The following CTNNA3 variants were observed in gnomAD, a reference collection of about 807,000 sequenced individuals.
CTNNA3 encodes the protein catenin alpha-3.
Under a neutral mutation model 95.7 loss-of-function variants are expected in CTNNA3, and 76 were observed. That is an observed-to-expected ratio of 0.79 (90% CI 0.66 to 0.96). The LOEUF is 0.96. Ranked by LOEUF, CTNNA3 falls within the 40% of genes least tolerant of loss-of-function variation. CTNNA3 has a pLI of 0.00. For missense variants in CTNNA3, 1,191 were observed against 1,089.8 expected, an observed-to-expected ratio of 1.09 and a Z score of -1.31; for synonymous variants, 431 against 374.4, an observed-to-expected ratio of 1.15 and a Z score of -1.74.
At chr10:67,698,848 CAA>C (rs60228246), upstream of CTNNA3, among the ~76,000 whole-genome samples, 8 of 143,694 alleles carry the variant, frequency 5.6e-5, no homozygotes, top group Non-Finnish European at 1.2e-4. Context: ...ACTATTAATA[CAA>C]AAAAAAAAAA....
chr10:67,683,120 G>C (rs971871594), intron 1 of CTNNA3, among the ~76,000 whole-genome samples: 1 of 152,206 alleles, frequency 6.6e-6, no homozygotes, highest in Non-Finnish European at 1.5e-5. Flanking sequence ...TGATTCTTAA[G>C]ATTCCTTTGT....
intron 5 of CTNNA3, among the ~76,000 whole-genome samples, chr10:67,506,836 T>A (rs955805668): frequency 1.3e-5 from 2 of 152,218 alleles, no homozygotes; most frequent in African/African-American, 4.8e-5. Flanking sequence ...ATAGTAAATA[T>A]GTGACTAAGC....
At chr10:67,311,998 C>A in intron 5 of CTNNA3, among the ~76,000 whole-genome samples, 1 of 151,886 alleles carries the variant, frequency 6.6e-6, no homozygotes, top group East Asian at 1.9e-4. Context: ...CACCTCACTA[C>A]AATCACACCA....
chr10:65,950,157 AAC>A lies in CTNNA3; in HGVS notation c.2400+16453_2400+16454del, dbSNP rs377580361. ...TGGAATTTCATTGATTTTGCTAGGG[AAC>A]ACACACACACACACACACAAACAAC... is the stretch of plus-strand genomic sequence containing the variant. On this transcript the variant is annotated intron_variant, in intron 17 of 17. Coordinates refer to ENST00000433211, the MANE Select transcript of CTNNA3 (RefSeq NM_013266.4). 5.8e-3 allele frequency among the ~76,000 whole-genome samples: 866 copies of A among 149,600 alleles called. 8 individuals are homozygous for A. The highest frequency in any genetic ancestry group is 0.027 in the East Asian group (138 of 5,112).
At chr10:67,534,146 G>A (rs540394483) in intron 4 of CTNNA3, among the ~76,000 whole-genome samples, 3 of 152,106 alleles carry the variant, frequency 2.0e-5, no homozygotes, top group East Asian at 1.9e-4. Flanking sequence ...CAAAATAAGG[G>A]CAAGAAATAA....
At chr10:67,203,990 T>C (rs762642048) in intron 6 of CTNNA3, among the ~76,000 whole-genome samples, 8 of 152,164 alleles carry the variant, frequency 5.3e-5, no homozygotes, top group African/African-American at 1.9e-4. Context: ...TGCTGGAATA[T>C]GGCTGGTAAT....
intron 5 of CTNNA3, among the ~76,000 whole-genome samples, chr10:67,341,529 T>C (rs1842190286): frequency 6.6e-6 from 1 of 152,256 alleles, no homozygotes; most frequent in Admixed American, 6.5e-5. Flanking sequence ...CAGGATCTTA[T>C]TCTTTTTTAT....
At chr10:65,967,803 C>A (rs909296248) in intron 16 of CTNNA3, among the ~76,000 whole-genome samples, 10 of 151,994 alleles carry the variant, frequency 6.6e-5, no homozygotes, top group African/African-American at 2.4e-4. Context: ...TATAAAAATT[C>A]CTTCTAATTT....
chr10:66,502,494 T>C (rs541821328), intron 11 of CTNNA3, among the ~76,000 whole-genome samples: 1 of 152,266 alleles, frequency 6.6e-6, no homozygotes, highest in South Asian at 2.1e-4. Flanking sequence ...TAAAGCATTG[T>C]AGATAACACT....
chr10:67,196,453 T>C (rs1863374343), intron 6 of CTNNA3, among the ~76,000 whole-genome samples: 2 of 152,178 alleles, frequency 1.3e-5, no homozygotes, highest in East Asian at 3.9e-4. Flanking sequence ...ATACTCAATA[T>C]ACTTATCAAT....
chr10:67,439,022 G>C (rs564976077), intron 5 of CTNNA3, among the ~76,000 whole-genome samples: 1 of 152,134 alleles, frequency 6.6e-6, no homozygotes, highest in Non-Finnish European at 1.5e-5. Flanking sequence ...GCTGAGCTTA[G>C]AGCCAGTGGA....
intron 10 of CTNNA3, among the ~76,000 whole-genome samples, chr10:66,556,006 C>A (rs1203081884): frequency 6.6e-6 from 1 of 151,886 alleles, no homozygotes; most frequent in Non-Finnish European, 1.5e-5. Context: ...AAGGAATTCA[C>A]GTAACTCACA....
At chr10:67,416,125 A>G (rs905924102) in intron 5 of CTNNA3, among the ~76,000 whole-genome samples, 6 of 152,180 alleles carry the variant, frequency 3.9e-5, no homozygotes, top group African/African-American at 1.4e-4. Flanking sequence ...TGCAACTGCA[A>G]TAAAAACAAA....
intron 13 of CTNNA3, among the ~76,000 whole-genome samples, chr10:66,231,209 C>T (rs761451835): frequency 6.6e-6 from 1 of 152,178 alleles, no homozygotes; most frequent in Non-Finnish European, 1.5e-5. Context: ...ATGTGGACTA[C>T]TGAGGATCTC....
intron 5 of CTNNA3, among the ~76,000 whole-genome samples, chr10:67,418,357 G>A (rs1270425189): frequency 6.6e-6 from 1 of 151,902 alleles, no homozygotes; most frequent in Admixed American, 6.6e-5. Flanking sequence ...CCATTTCTGG[G>A]TACATATAAC....
rs780427831 is a variant in CTNNA3 at position 67,209,740 on chromosome 10, T to C, written c.843+9867A>G. On this transcript the variant is annotated intron_variant, in intron 6 of 17. Coordinates refer to ENST00000433211, the MANE Select transcript of CTNNA3 (RefSeq NM_013266.4). ...CAATTTTAAAACACCAAAAACCAAT[T>C]TTAACATTTTTAAAACACACTTCTA... is the stretch of plus-strand genomic sequence containing the variant. 2.2e-4 allele frequency among the ~76,000 whole-genome samples: 33 copies of C among 151,668 alleles called. 1 individual carries two copies. Among genetic ancestry groups the C allele is most frequent in the Non-Finnish European group, 1.5e-5 (1 of 67,962 alleles).
intron 12 of CTNNA3, among the ~76,000 whole-genome samples, chr10:66,324,247 G>T (rs866430402): frequency 6.6e-6 from 1 of 151,970 alleles, no homozygotes; most frequent in Non-Finnish European, 1.5e-5. Flanking sequence ...TTGAACCCAG[G>T]AGGCGGAGAT....
intron 12 of CTNNA3, among the ~76,000 whole-genome samples, chr10:66,354,855 T>A (rs2092596778): frequency 6.6e-6 from 1 of 152,074 alleles, no homozygotes; most frequent in African/African-American, 2.4e-5. Flanking sequence ...CATAATAATA[T>A]TTGTTGAATG....
rs1372692048 is a variant in CTNNA3 at position 65,920,076 on chromosome 10, G to A, written c.*254C>T. ...GTAGATAATCTCTATGATGGGAAAC[G>A]CTGAATGACACGTGATAATTTCATT... On this transcript the variant is annotated 3_prime_UTR_variant, in exon 18 of 18. Coordinates refer to ENST00000433211, the MANE Select transcript of CTNNA3 (RefSeq NM_013266.4). The A allele has an allele frequency of 6.2e-6, 3 of 487,642 alleles. No homozygotes were observed. Among genetic ancestry groups the A allele is most frequent in the Non-Finnish European group, 1.1e-5 (3 of 272,496 alleles). 30.2% of individuals were successfully genotyped at this position (487,642 alleles called of 1,614,324 possible). A position where few individuals can be genotyped will look rare whatever the true frequency, so the allele number is the denominator to read the frequency against.
Sources: gnomAD v4.1 joint callset for allele counts (sites outside exome capture counted in the v4.1 genomes callset) on GRCh38, gnomAD v4.1.1 for gene constraint, MANE v1.5 for transcripts, NCBI Gene and HGNC (gene_info 2026-07-23, HGNC 2026-07-21) for gene names.